The following TMEM63C variants were observed in gnomAD, a reference collection of about 807,000 sequenced individuals.
TMEM63C encodes osmosensitive cation channel TMEM63C.
In TMEM63C, 32 loss-of-function variants were observed where a neutral mutation model predicts 99.2. The observed-to-expected ratio is 0.32, with a 90% CI of 0.24 to 0.43. TMEM63C has a LOEUF of 0.43. Ranked by LOEUF, TMEM63C falls within the 20% of genes least tolerant of loss-of-function variation. The pLI, the probability that TMEM63C is intolerant of heterozygous loss-of-function variation, is 1.00. For synonymous variants in TMEM63C, 376 were observed against 397.9 expected, an observed-to-expected ratio of 0.94 and a Z score of 0.66; for missense variants, 826 against 1,053.0, an observed-to-expected ratio of 0.78 and a Z score of 2.98.
rs1006702197 is a variant in TMEM63C at position 77,256,793 on chromosome 14, G to A, written c.*67G>A. On this transcript the variant is annotated 3_prime_UTR_variant, in exon 24 of 24. Transcript: ENST00000298351. ...GGGGAGGGCCTGGCAAGGGGAGGCAGGAGGGTGGCCTGGACCTCCCCACTA... is the reference window on the plus strand; with the variant it reads ...GGGGAGGGCCTGGCAAGGGGAGGCAAGAGGGTGGCCTGGACCTCCCCACTA... The A allele has an allele frequency of 1.3e-6, 2 of 1,519,776 alleles. No individual in the cohort carries two copies. The highest frequency in any genetic ancestry group is 2.7e-5 in the African/African-American group (2 of 72,854). The allele number at this position is 1,519,776 out of a possible 1,614,324, so 94.1% of individuals were successfully genotyped here.
At chr14:77,237,658 C>T (rs2140123447) in intron 9 of TMEM63C, among the ~76,000 whole-genome samples, 1 of 152,382 alleles carries the variant, frequency 6.6e-6, no homozygotes, top group East Asian at 1.9e-4. Flanking sequence ...TCCTCCCCTA[C>T]TTGGCCCTGC....
At chr14:77,226,061 CACTTACCGGA>C (rs777680582) in intron 6 of TMEM63C, among the ~76,000 whole-genome samples, 1 of 152,190 alleles carries the variant, frequency 6.6e-6, no homozygotes, top group Non-Finnish European at 1.5e-5. Context: ...GCAGAGCAGA[CACTTACCGGA>C]ACTCTATGTT....
intron 1 of TMEM63C, among the ~76,000 whole-genome samples, chr14:77,199,988 A>G (rs941380928): frequency 2.0e-5 from 3 of 152,170 alleles, no homozygotes; most frequent in African/African-American, 7.2e-5. Flanking sequence ...AGAGAAGCAG[A>G]TTGTCGCAGA....
In TMEM63C at chr14:77,253,369, C is replaced by T; in HGVS notation, c.2213C>T (p.Thr738Ile). The T allele has an allele frequency of 6.2e-7, 1 of 1,610,812 alleles. No homozygotes were observed. The highest frequency in any genetic ancestry group is 8.5e-7 in the Non-Finnish European group (1 of 1,178,822). ...MEPSSTSSTP[T>I]SLLYVATVLQ... ...CCAAGCAGCACCTCCTCCACGCCCACCTCCCTCGTGAGTCCTGAGTCCCAG... is the reference window on the plus strand; with the variant it reads ...CCAAGCAGCACCTCCTCCACGCCCATCTCCCTCGTGAGTCCTGAGTCCCAG... Residue 738 changes from threonine to isoleucine, a missense_variant, in exon 23 of 24, where the codon ACC (threonine) becomes ATC (isoleucine). Coordinates refer to ENST00000298351, the MANE Select transcript of TMEM63C (RefSeq NM_020431.4).
intron 21 of TMEM63C, among the ~76,000 whole-genome samples, chr14:77,249,821 G>T (rs1317984312): frequency 6.6e-6 from 1 of 152,148 alleles, no homozygotes; most frequent in Non-Finnish European, 1.5e-5. Flanking sequence ...AAGATGCCTG[G>T]TTTTTTGTTT....
At chr14:77,217,309 G>T (rs1271083933) in intron 2 of TMEM63C, among the ~76,000 whole-genome samples, 2 of 152,160 alleles carry the variant, frequency 1.3e-5, no homozygotes, top group Non-Finnish European at 2.9e-5. Context: ...ACAGCTGCAT[G>T]GTTCACTCCC....
rs560883651 is a variant in TMEM63C, at chr14:77,257,805, C to G, written c.*1079C>G. The G allele has an allele frequency of 2.6e-5, 4 of 152,558 alleles. No individual in the cohort carries two copies. The highest frequency in any genetic ancestry group is 2.9e-5 in the Non-Finnish European group (2 of 68,340). The allele number at this position is 152,558 out of a possible 1,614,324, so 9.5% of individuals were successfully genotyped here. The stretch of plus-strand genomic sequence containing the variant: ...ACCCTTCCTCCCTTCTCGGGGCTGC[C>G]CCTGCACCCTGCCTTGAAGACCACC... On this transcript the variant is annotated 3_prime_UTR_variant, in exon 24 of 24. Transcript: ENST00000298351.
chr14:77,221,689 T>C (rs1416424964), intron 5 of TMEM63C, among the ~76,000 whole-genome samples: 13 of 105,162 alleles, frequency 1.2e-4, no homozygotes, highest in South Asian at 3.9e-4. Flanking sequence ...TCATGCCTCC[T>C]CTCCCACTCA....
intron 13 of TMEM63C, among the ~76,000 whole-genome samples, chr14:77,241,274 A>G (rs1310182303): frequency 6.6e-6 from 1 of 151,902 alleles, no homozygotes; most frequent in Non-Finnish European, 1.5e-5. Context: ...CTCCCTCCTC[A>G]CCATAAGAGA....
chr14:77,206,407 G>A (rs967020633), intron 1 of TMEM63C, among the ~76,000 whole-genome samples: 1 of 152,242 alleles, frequency 6.6e-6, no homozygotes, highest in Non-Finnish European at 1.5e-5. Context: ...GGAGCAGGGA[G>A]GGAGGCTTGC....
chr14:77,224,085 C>T (rs1888773699), intron 5 of TMEM63C, among the ~76,000 whole-genome samples: 1 of 152,014 alleles, frequency 6.6e-6, no homozygotes, highest in Non-Finnish European at 1.5e-5. Context: ...TTTAGCTCCC[C>T]AGGGCATAGC....
chr14:77,256,806 G>T lies in TMEM63C; in HGVS notation c.*80G>T, dbSNP rs1421186805. The T allele has an allele frequency of 1.5e-6, 2 of 1,369,708 alleles. No individual in the cohort carries two copies. The highest frequency in any genetic ancestry group is 1.4e-5 in the African/African-American group (1 of 69,842). 84.8% of individuals were successfully genotyped at this position (1,369,708 alleles called of 1,614,324 possible). A position where few individuals can be genotyped will look rare whatever the true frequency, so the allele number is the denominator to read the frequency against. Reference sequence around the variant, plus strand: ...CAAGGGGAGGCAGGAGGGTGGCCTGGACCTCCCCACTACCTCCTGCAGACT... The same window carrying T: ...CAAGGGGAGGCAGGAGGGTGGCCTGTACCTCCCCACTACCTCCTGCAGACT... On this transcript the variant is annotated 3_prime_UTR_variant, in exon 24 of 24. Coordinates refer to ENST00000298351, the MANE Select transcript of TMEM63C (RefSeq NM_020431.4).
chr14:77,246,560 T>C, intron 17 of TMEM63C, 49 bp from the exon 18 acceptor site: 2 of 1,536,304 alleles, frequency 1.3e-6, no homozygotes, highest in Non-Finnish European at 1.8e-6. Flanking sequence ...CCCTCAGCCT[T>C]AGCTCATAGG....
At chr14:77,194,372 GTGTGTGTGTGTA>G (rs1430575426) in intron 1 of TMEM63C, among the ~76,000 whole-genome samples, 94 of 131,644 alleles carry the variant, frequency 7.1e-4, no homozygotes, top group Admixed American at 1.7e-3. Flanking sequence ...GTGTGTGTGT[GTGTGTGTGTGTA>G]TGTTCATATT....
At chr14:77,243,148 G>T in intron 15 of TMEM63C, 92 bp downstream of exon 15, 2 of 1,451,312 alleles carry the variant, frequency 1.4e-6, no homozygotes, top group South Asian at 1.2e-5. Context: ...CCCTGGGAGG[G>T]GGCTGTGGAG....
At chr14:77,246,478 G>T in intron 17 of TMEM63C, 131 bp from the exon 18 acceptor site, 1 of 776,054 alleles carries the variant, frequency 1.3e-6, no homozygotes, top group Non-Finnish European at 2.2e-6. Context: ...AGGAAGAGGG[G>T]AAGTGTGGAC....
At position 77,242,915 on chromosome 14, in the gene TMEM63C, T is replaced by A; in HGVS notation, c.1200T>A (p.Ser400=). The change falls in exon 15 of 24, where the codon TCT becomes TCA. Residue 400 remains serine (S), a synonymous_variant. Coordinates refer to ENST00000298351, the MANE Select transcript of TMEM63C (RefSeq NM_020431.4). The part of the protein sequence containing the change: ...HPKDIIWKHL[S]VRRFFWWARF... ...CATCCTTCCCCAGGAAACACCTGTCTGTCCGCCGCTTCTTTTGGTGGGCCC... is the reference window on the plus strand; with the variant it reads ...CATCCTTCCCCAGGAAACACCTGTCAGTCCGCCGCTTCTTTTGGTGGGCCC... The A allele has an allele frequency of 6.2e-7, 1 of 1,614,062 alleles. No individual in the cohort carries two copies. Among genetic ancestry groups the A allele is most frequent in the Non-Finnish European group, 8.5e-7 (1 of 1,179,906 alleles).
intron 9 of TMEM63C, among the ~76,000 whole-genome samples, chr14:77,237,504 G>A (rs1280143663): frequency 6.6e-6 from 1 of 152,218 alleles, no homozygotes; most frequent in Non-Finnish European, 1.5e-5. Flanking sequence ...ACCCCTGTGG[G>A]CAAGTGGAGC....
At chr14:77,254,483 T>C (rs1196327329) in intron 23 of TMEM63C, among the ~76,000 whole-genome samples, 1 of 152,188 alleles carries the variant, frequency 6.6e-6, no homozygotes, top group Non-Finnish European at 1.5e-5. Flanking sequence ...CAAGAAAGTC[T>C]CTCTTTTCTT....
Sources: gnomAD v4.1 joint callset for allele counts (sites outside exome capture counted in the v4.1 genomes callset) on GRCh38, gnomAD v4.1.1 for gene constraint, MANE v1.5 for transcripts, NCBI Gene and HGNC (gene_info 2026-07-23, HGNC 2026-07-21) for gene names.